Variants in DOCK9 observed in about 807,000 individuals in gnomAD.
DOCK9 encodes dedicator of cytokinesis 9.
DOCK9 carries 89 observed loss-of-function variants against 263.3 expected under a neutral mutation model. The observed-to-expected ratio is 0.34, with a 90% confidence interval of 0.28 to 0.40. The LOEUF (loss-of-function observed/expected upper bound fraction) is 0.40, where lower values mean the gene tolerates loss of function less well. Among genes scored for constraint, DOCK9 ranks in the 10% least tolerant of loss-of-function variants. The probability of loss-of-function intolerance (pLI) is 1.00; values close to 1 mark genes in which losing one functional copy is unlikely to be tolerated. For missense variants in DOCK9, 2,140 were observed against 2,603.4 expected (o/e 0.82, Z 3.87); for synonymous variants, 976 against 973.1 (o/e 1.00, Z -0.06).
At chr13:98,886,693 G>A (rs1236775298) in intron 18 of DOCK9, 69 bp from the exon 19 acceptor site, 27 of 1,408,204 alleles carry the variant, frequency 1.9e-5, no homozygotes, top group Middle Eastern at 1.8e-4. Context: ...TGGATATATC[G>A]TAAAGGAGGA....
At chr13:99,043,131 T>C (rs1888630314) in intron 1 of DOCK9, among the ~76,000 whole-genome samples, 2 of 152,128 alleles carry the variant, frequency 1.3e-5, no homozygotes, top group Non-Finnish European at 2.9e-5. Flanking sequence ...CAAGCAACCC[T>C]GTCCCACCGC....
intron 16 of DOCK9, 27 bp from the exon 17 acceptor site, chr13:98,888,574 A>G (rs369672393): frequency 1.2e-6 from 2 of 1,612,754 alleles, no homozygotes; most frequent in African/African-American, 2.7e-5. Context: ...AATAACTCAA[A>G]CTGAAGTAAA....
chr13:99,041,264 G>T (rs1026356897), intron 1 of DOCK9, among the ~76,000 whole-genome samples: 1 of 152,106 alleles, frequency 6.6e-6, no homozygotes. Context: ...CAGGTGGATT[G>T]CTTGAGCCCA....
chr13:98,981,590 T>C (rs1001905314), upstream of DOCK9, among the ~76,000 whole-genome samples: 2 of 152,180 alleles, frequency 1.3e-5, no homozygotes, highest in African/African-American at 2.4e-5. Flanking sequence ...GCCCACCTTA[T>C]GAAAGAAGCA....
intron 1 of DOCK9, among the ~76,000 whole-genome samples, chr13:99,078,451 T>C (rs557838584): frequency 6.6e-6 from 1 of 152,292 alleles, no homozygotes; most frequent in South Asian, 2.1e-4. Flanking sequence ...GGGTGCTTAG[T>C]CGTATGGGGT....
At chr13:99,075,405 T>G (rs1214229587) in intron 1 of DOCK9, among the ~76,000 whole-genome samples, 1 of 144,770 alleles carries the variant, frequency 6.9e-6, no homozygotes, top group Non-Finnish European at 1.5e-5. Flanking sequence ...CAGGCTAGAG[T>G]GCAGTGGCTC....
chr13:98,925,965 C>T (rs12429249), intron 3 of DOCK9, 46 bp from the exon 4 acceptor site: 252,009 of 1,454,830 alleles, frequency 0.17, 22,546 homozygotes, highest in East Asian at 0.24. Context: ...AACAGAAAGA[C>T]GTGATTTTTG....
At chr13:98,880,266 T>C (rs1364102348) in intron 26 of DOCK9, among the ~76,000 whole-genome samples, 1 of 152,092 alleles carries the variant, frequency 6.6e-6, no homozygotes. Flanking sequence ...CACTGCCCTC[T>C]GCTTGGTGAC....
Position 98,829,880 on chromosome 13 carries a change from C to CG in DOCK9, c.4636-125_4636-124insC. 1 of 733,794 alleles carries CG rather than the reference C, an allele frequency of 1.4e-6. No individual in the cohort carries two copies. Among genetic ancestry groups the CG allele is most frequent in the Non-Finnish European group, 2.4e-6 (1 of 422,188 alleles). The allele number at this position is 733,794 out of a possible 1,614,324, so 45.5% of individuals were successfully genotyped here. A position where few individuals can be genotyped will look rare whatever the true frequency, so the allele number is the denominator to read the frequency against. On this transcript the variant is annotated intron_variant, in intron 41 of 52. Coordinates refer to ENST00000682017, the MANE Select transcript of DOCK9 (RefSeq NM_001366683.2). This position sits in a 1 kb window ranked among gnomAD's most constrained non-coding sequence, Gnocchi z 4.1. ...AGTGGGGGTTGGGGGGTGCTTTGAG[C>CG]AGGGGTCGCTCCGTGTAGGAAACAA...
At chr13:98,945,268 C>T (rs1364411545) in intron 2 of DOCK9, among the ~76,000 whole-genome samples, 1 of 152,202 alleles carries the variant, frequency 6.6e-6, no homozygotes, top group Non-Finnish European at 1.5e-5. Flanking sequence ...GCTGAATGTA[C>T]ATCTACGATT....
In DOCK9 at chr13:98,914,256, T is replaced by C. The variant is rs1382638501; in HGVS notation, c.960+72A>G. On this transcript the variant is annotated intron_variant, in intron 9 of 52. Coordinates refer to ENST00000682017, the MANE Select transcript of DOCK9 (RefSeq NM_001366683.2). ...TTTATGATTTCAACAGATTCCATTC[T>C]GGACAAACCAGTGAAATGAGACATA... 5 of 1,308,236 alleles carry C rather than the reference T, an allele frequency of 3.8e-6. No individual in the cohort carries two copies. In the African/African-American group the frequency reaches 4.4e-5, roughly 12 times the overall value. 81.0% of individuals were successfully genotyped at this position (1,308,236 alleles called of 1,614,324 possible). A position where few individuals can be genotyped will look rare whatever the true frequency, so the allele number is the denominator to read the frequency against.
chr13:98,807,825 A>G lies in DOCK9; in HGVS notation c.5368-18T>C, dbSNP rs565638712. 35 of 1,599,646 alleles carry G rather than the reference A, an allele frequency of 2.2e-5. No individual in the cohort carries two copies. In the East Asian group the frequency reaches 6.9e-4, roughly 32 times the overall value. On this transcript the variant is annotated intron_variant, in intron 47 of 52. Coordinates refer to ENST00000682017, the MANE Select transcript of DOCK9 (RefSeq NM_001366683.2). ...AAGAATCCCTGTGACATAAAGCACA[A>G]TTAGAGCTATCCCTGAACGTAAGCC...
At chr13:99,029,997 G>C (rs117656837) in intron 1 of DOCK9, among the ~76,000 whole-genome samples, 1 of 152,214 alleles carries the variant, frequency 6.6e-6, no homozygotes, top group Non-Finnish European at 1.5e-5. Flanking sequence ...TACAAGCACA[G>C]ATACATCTCA....
chr13:99,044,793 A>T (rs1888798065), intron 1 of DOCK9, among the ~76,000 whole-genome samples: 1 of 152,236 alleles, frequency 6.6e-6, no homozygotes, highest in African/African-American at 2.4e-5. Context: ...TAAGTAAAAG[A>T]AAAACCAAAA....
intron 52 of DOCK9, chr13:98,796,256 A>T (rs368404085): frequency 1.6e-5 from 25 of 1,541,126 alleles, no homozygotes; most frequent in South Asian, 7.0e-5. Context: ...AAGTGAGTTA[A>T]AGCTCACACA....
chr13:99,060,183 C>G (rs1596008888), intron 1 of DOCK9, among the ~76,000 whole-genome samples: 2 of 147,730 alleles, frequency 1.4e-5, no homozygotes, highest in South Asian at 2.2e-4. Context: ...ACGCCATTCT[C>G]CTGCCTCAGC....
intron 33 of DOCK9, 200 bp downstream of exon 33, chr13:98,860,205 A>G: frequency 7.0e-7 from 1 of 1,423,520 alleles, no homozygotes; most frequent in Non-Finnish European, 9.2e-7. Flanking sequence ...CTGAGGAGTC[A>G]CAGGCATCCG....
rs138971562 is a variant in DOCK9, at chr13:98,905,510, A to C, written c.961-804T>G. Among the ~76,000 whole-genome samples, 529 of 152,310 alleles carry C rather than the reference A, an allele frequency of 3.5e-3. 3 individuals are homozygous for C. Among genetic ancestry groups the C allele is most frequent in the African/African-American group, 0.012 (494 of 41,570 alleles). ...AAGGAGAAAAGCGCATTCTAGGAGA[A>C]GGCACAGCAGGTGCAAAGGGACAAG... is the stretch of plus-strand genomic sequence containing the variant. On this transcript the variant is annotated intron_variant, in intron 9 of 52. Coordinates refer to ENST00000682017, the MANE Select transcript of DOCK9 (RefSeq NM_001366683.2).
chr13:98,821,363 C>T (rs2092265271), intron 45 of DOCK9, among the ~76,000 whole-genome samples: 1 of 152,190 alleles, frequency 6.6e-6, no homozygotes, highest in Non-Finnish European at 1.5e-5. Flanking sequence ...GGTGGTCCTT[C>T]TATGTAATTT....
Sources: gnomAD v4.1 joint callset for allele counts (sites outside exome capture counted in the v4.1 genomes callset) on GRCh38, gnomAD v4.1.1 for gene constraint, Gnocchi (gnomAD v3.1) non-coding constraint, MANE v1.5 for transcripts, NCBI Gene and HGNC (gene_info 2026-07-23, HGNC 2026-07-21) for gene names.